The following ROBO1 variants were observed in gnomAD, a reference collection of about 807,000 sequenced individuals.
ROBO1 encodes the protein roundabout homolog 1.
In ROBO1, 149 loss-of-function variants were observed where a neutral mutation model predicts 195.9. The ratio of observed to expected loss-of-function variants is 0.76; its 90% confidence interval spans 0.67 to 0.87. The LOEUF (loss-of-function observed/expected upper bound fraction) is 0.87, where lower values mean the gene tolerates loss of function less well. Ranked by LOEUF, ROBO1 falls within the 40% of genes least tolerant of loss-of-function variation. The probability of loss-of-function intolerance (pLI) is 0.00; values close to 1 mark genes in which losing one functional copy is unlikely to be tolerated. For missense variants in ROBO1, 1,933 were observed against 2,068.3 expected (o/e 0.93, Z 1.27); for synonymous variants, 816 against 733.2 (o/e 1.11, Z -1.82).
At chr3:79,050,026 T>A (rs1425520750) in intron 3 of ROBO1, among the ~76,000 whole-genome samples, 1 of 152,116 alleles carries the variant, frequency 6.6e-6, no homozygotes, top group Non-Finnish European at 1.5e-5. Context: ...AATGACAGGA[T>A]TAAATTCACA....
chr3:79,752,017 A>T (rs1340394805), intron 1 of ROBO1, among the ~76,000 whole-genome samples: 2 of 152,156 alleles, frequency 1.3e-5, no homozygotes, highest in Non-Finnish European at 2.9e-5. Context: ...TACAAACGAA[A>T]ACAATATGTC....
intron 22 of ROBO1, among the ~76,000 whole-genome samples, chr3:78,639,252 T>C (rs903875720): frequency 6.6e-6 from 1 of 151,558 alleles, no homozygotes; most frequent in African/African-American, 2.4e-5. Flanking sequence ...AGGCCAGGAG[T>C]TCGAGGCCAG....
chr3:79,217,196 A>C (rs1372476037), intron 2 of ROBO1, among the ~76,000 whole-genome samples: 1 of 152,078 alleles, frequency 6.6e-6, no homozygotes, highest in Non-Finnish European at 1.5e-5. Flanking sequence ...CATTTGTCAC[A>C]GTGACACGTG....
At chr3:78,760,029 T>G (rs1365213896) in intron 4 of ROBO1, among the ~76,000 whole-genome samples, 1 of 152,100 alleles carries the variant, frequency 6.6e-6, no homozygotes, top group African/African-American at 2.4e-5. Context: ...GATAATTGAA[T>G]TATGGGAGTG....
At position 78,797,509 on chromosome 3, in the gene ROBO1, CA is replaced by C. The variant is rs538610769; in HGVS notation, c.500-50610del. ...CCTTTATAGCTGTACCTTAGCTAGCCATCTTCCAGCCTGCTTCTGAGACATG... is the reference window on the plus strand; with the variant it reads ...CCTTTATAGCTGTACCTTAGCTAGCCTCTTCCAGCCTGCTTCTGAGACATG... On this transcript the variant is annotated intron_variant, in intron 4 of 30. Coordinates refer to ENST00000464233, the MANE Select transcript of ROBO1 (RefSeq NM_002941.4). Among the ~76,000 whole-genome samples, 377 of 152,262 alleles carry C rather than the reference CA, an allele frequency of 2.5e-3. 3 individuals carry two copies. Among genetic ancestry groups the C allele is most frequent in the African/African-American group, 8.5e-3 (353 of 41,558 alleles).
intron 4 of ROBO1, among the ~76,000 whole-genome samples, chr3:78,931,105 G>A (rs911314485): frequency 6.6e-6 from 1 of 151,830 alleles, no homozygotes; most frequent in Non-Finnish European, 1.5e-5. Flanking sequence ...ACTAGCTAGA[G>A]CTAAACAAAA....
intron 22 of ROBO1, among the ~76,000 whole-genome samples, chr3:78,637,697 A>G (rs1705605618): frequency 6.6e-6 from 1 of 152,186 alleles, no homozygotes; most frequent in Non-Finnish European, 1.5e-5. Context: ...ACTTATGATT[A>G]CATGAGTATC....
intron 4 of ROBO1, among the ~76,000 whole-genome samples, chr3:78,893,184 TA>T (rs2037009280): frequency 6.6e-6 from 1 of 152,212 alleles, no homozygotes; most frequent in Admixed American, 6.5e-5. Flanking sequence ...TTCTCCAAAA[TA>T]CAGGTGCTGA....
chr3:79,193,492 AGTCCATGCTCCC>A (rs1431059091), intron 2 of ROBO1, among the ~76,000 whole-genome samples: 1 of 150,872 alleles, frequency 6.6e-6, no homozygotes, highest in African/African-American at 2.4e-5. Context: ...CAGGATTCAG[AGTCCATGCTCCC>A]CTCTACTGCA....
intron 3 of ROBO1, among the ~76,000 whole-genome samples, chr3:78,973,483 A>C (rs112499447): frequency 6.8e-6 from 1 of 146,248 alleles, no homozygotes; most frequent in Non-Finnish European, 1.5e-5. Context: ...TATATATATT[A>C]TATATATAAG....
intron 2 of ROBO1, among the ~76,000 whole-genome samples, chr3:79,397,866 A>G (rs1192972656): frequency 6.6e-6 from 1 of 152,210 alleles, no homozygotes; most frequent in Non-Finnish European, 1.5e-5. Flanking sequence ...TAAAATGAGA[A>G]CCACTCCTGG....
intron 4 of ROBO1, among the ~76,000 whole-genome samples, chr3:78,793,655 C>A (rs145619890): frequency 2.0e-5 from 3 of 151,840 alleles, no homozygotes; most frequent in Admixed American, 1.3e-4. Context: ...CCCTAGGGTA[C>A]GGACATCAAA....
At chr3:79,360,747 A>C (rs2035738227) in intron 2 of ROBO1, among the ~76,000 whole-genome samples, 1 of 152,088 alleles carries the variant, frequency 6.6e-6, no homozygotes, top group Non-Finnish European at 1.5e-5. Context: ...GATTTAGGTC[A>C]TGGAGGAGCT....
intron 2 of ROBO1, among the ~76,000 whole-genome samples, chr3:79,303,231 A>G (rs1414878520): frequency 7.5e-6 from 1 of 133,770 alleles, no homozygotes; most frequent in Non-Finnish European, 1.5e-5. Flanking sequence ...CAGTGGCGCC[A>G]TCGTGGCTAA....
intron 2 of ROBO1, among the ~76,000 whole-genome samples, chr3:79,352,753 A>C (rs1047684859): frequency 6.6e-6 from 1 of 152,202 alleles, no homozygotes; most frequent in African/African-American, 2.4e-5. Flanking sequence ...TATAGAAGGA[A>C]TCCAACATAT....
intron 4 of ROBO1, among the ~76,000 whole-genome samples, chr3:78,845,253 A>T (rs1390744208): frequency 6.7e-6 from 1 of 149,730 alleles, no homozygotes; most frequent in Admixed American, 6.6e-5. Context: ...GTGTGTAAGT[A>T]TAAAATGTGC....
chr3:78,757,993 C>A (rs1199124773), intron 4 of ROBO1, among the ~76,000 whole-genome samples: 2 of 152,106 alleles, frequency 1.3e-5, no homozygotes, highest in South Asian at 2.1e-4. Flanking sequence ...AACAAGCATG[C>A]GATTGTGTAG....
At chr3:79,679,635 C>A (rs1484371386) in intron 1 of ROBO1, among the ~76,000 whole-genome samples, 1 of 151,956 alleles carries the variant, frequency 6.6e-6, no homozygotes, top group Non-Finnish European at 1.5e-5. Flanking sequence ...GTGTTTAAAT[C>A]ATCTTTTGAA....
chr3:78,922,053 G>C (rs935320617), intron 4 of ROBO1, among the ~76,000 whole-genome samples: 2 of 152,034 alleles, frequency 1.3e-5, no homozygotes, highest in Non-Finnish European at 2.9e-5. Context: ...CTCCCAAAGT[G>C]CTGGGATTAC....
Sources: gnomAD v4.1 joint callset for allele counts (sites outside exome capture counted in the v4.1 genomes callset) on GRCh38, gnomAD v4.1.1 for gene constraint, MANE v1.5 for transcripts, NCBI Gene and HGNC (gene_info 2026-07-23, HGNC 2026-07-21) for gene names.